SDK1: variants seen among roughly 807,000 people sequenced by gnomAD.
SDK1 encodes the protein protein sidekick-1.
In SDK1, 157 loss-of-function variants were observed where a neutral mutation model predicts 245.5. The ratio of observed to expected loss-of-function variants is 0.64; its 90% confidence interval spans 0.56 to 0.73. The LOEUF is 0.73. Ranked by LOEUF, SDK1 falls within the 30% of genes least tolerant of loss-of-function variation. SDK1 has a pLI of 0.00. For missense variants in SDK1, 3,583 were observed against 3,002.3 expected (o/e 1.19, Z -4.52); for synonymous variants, 1,647 against 1,278.5 (o/e 1.29, Z -6.15).
At chr7:3,686,838 T>G (rs1389166776) in intron 4 of SDK1, among the ~76,000 whole-genome samples, 2 of 151,582 alleles carry the variant, frequency 1.3e-5, no homozygotes, top group African/African-American at 4.9e-5. Flanking sequence ...GATTGGAGAG[T>G]TGGAATAATT....
intron 1 of SDK1, among the ~76,000 whole-genome samples, chr7:3,532,996 C>G (rs1783400871): frequency 1.3e-5 from 2 of 152,168 alleles, no homozygotes; most frequent in African/African-American, 4.8e-5. Flanking sequence ...ACATGAACAG[C>G]TGAAGGGCAG....
intron 1 of SDK1, among the ~76,000 whole-genome samples, chr7:3,465,056 T>A (rs1657723422): frequency 6.6e-6 from 1 of 152,170 alleles, no homozygotes; most frequent in South Asian, 2.1e-4. Context: ...CTCTTACAGA[T>A]GTCAAGAGTC....
chr7:3,539,702 C>T (rs1052802737), intron 1 of SDK1, among the ~76,000 whole-genome samples: 1 of 152,204 alleles, frequency 6.6e-6, no homozygotes. Flanking sequence ...CAGCGATCAC[C>T]ATGGCAGTCA....
chr7:3,605,583 T>C (rs1483527641), intron 1 of SDK1, among the ~76,000 whole-genome samples: 1 of 152,184 alleles, frequency 6.6e-6, no homozygotes, highest in African/African-American at 2.4e-5. Flanking sequence ...GCAGTACATT[T>C]TTCTCTCTTG....
At chr7:4,175,100 C>T (rs546849200) in intron 33 of SDK1, among the ~76,000 whole-genome samples, 3 of 152,364 alleles carry the variant, frequency 2.0e-5, no homozygotes, top group Admixed American at 1.3e-4. Flanking sequence ...CAATGCCAGC[C>T]GCGGGGCCTT....
intron 19 of SDK1, among the ~76,000 whole-genome samples, chr7:4,066,707 G>C (rs570491414): frequency 6.6e-6 from 1 of 152,182 alleles, no homozygotes; most frequent in Non-Finnish European, 1.5e-5. Flanking sequence ...ACACTAAAAG[G>C]CTCTAAACCT....
At chr7:3,901,703 C>G (rs1196215447) in intron 5 of SDK1, among the ~76,000 whole-genome samples, 3 of 152,206 alleles carry the variant, frequency 2.0e-5, no homozygotes, top group African/African-American at 4.8e-5. Context: ...TCTTTACTCA[C>G]TCACGGGTGA....
rs755240039 is a variant in SDK1 at position 3,387,058 on chromosome 7, T to TC, written c.298+85177dup. 6.6e-5 allele frequency among the ~76,000 whole-genome samples: 10 copies of TC among 152,272 alleles called. No individual in the cohort carries two copies. The South Asian group carries it at 1.2e-3, about 19-fold the overall frequency. ...GGCTTTTCACATTTCAAAAATGGTT[T>TC]CCCAAGTGAGCATATGTTTACTCTT... On this transcript the variant is annotated intron_variant, in intron 1 of 44. Transcript: ENST00000404826.
chr7:3,682,341 C>T (rs894236124), intron 4 of SDK1, among the ~76,000 whole-genome samples: 18 of 152,288 alleles, frequency 1.2e-4, no homozygotes, highest in African/African-American at 3.6e-4. Flanking sequence ...ACAGTTGCTT[C>T]TTATTGAGGA....
chr7:3,595,913 T>C (rs1781045531), intron 1 of SDK1, among the ~76,000 whole-genome samples: 1 of 142,584 alleles, frequency 7.0e-6, no homozygotes, highest in African/African-American at 2.5e-5. Context: ...TAGTCAACAC[T>C]AACCACTCTG....
At chr7:4,252,299 C>G (rs1277330114) in intron 44 of SDK1, among the ~76,000 whole-genome samples, 1 of 145,806 alleles carries the variant, frequency 6.9e-6, no homozygotes, top group Non-Finnish European at 1.5e-5. Flanking sequence ...TGAGTGAGAA[C>G]ATGCGGTGTT....
At chr7:3,903,441 C>A (rs537121098) in intron 5 of SDK1, among the ~76,000 whole-genome samples, 109 of 152,206 alleles carry the variant, frequency 7.2e-4, no homozygotes, top group African/African-American at 2.4e-3. Flanking sequence ...CCACCGCGCC[C>A]GGCCGACAGT....
At chr7:3,929,164 C>G (rs1052121525) in intron 5 of SDK1, among the ~76,000 whole-genome samples, 4 of 152,232 alleles carry the variant, frequency 2.6e-5, no homozygotes, top group Non-Finnish European at 5.9e-5. Flanking sequence ...CTTGGTTAAA[C>G]GGTTATCTGA....
intron 5 of SDK1, among the ~76,000 whole-genome samples, chr7:3,925,568 C>T (rs368870341): frequency 6.6e-6 from 1 of 152,208 alleles, no homozygotes; most frequent in African/African-American, 2.4e-5. Flanking sequence ...CCAGAGACGG[C>T]GTGTTCTCGC....
intron 28 of SDK1, among the ~76,000 whole-genome samples, chr7:4,139,523 G>A (rs199838556): frequency 9.8e-5 from 1 of 10,196 alleles, no homozygotes. Context: ...ATATGTGTGT[G>A]TATGTGTGTG....
rs1032981290 is a variant in SDK1 at position 4,229,900 on chromosome 7, G to T, written c.5828-3355G>T. On this transcript the variant is annotated intron_variant, in intron 40 of 44. Coordinates refer to ENST00000404826, the MANE Select transcript of SDK1 (RefSeq NM_152744.4). The stretch of plus-strand genomic sequence containing the variant: ...TAGTGGTGGTTATTATTTATTGAAA[G>T]CCTGCTGTACTAGGCCCTGAGAAAG... Among the ~76,000 whole-genome samples the T allele has an allele frequency of 2.0e-5, 3 of 151,976 alleles. No individual in the cohort carries two copies. The East Asian group carries it at 5.8e-4, about 29-fold the overall frequency.
At chr7:3,345,594 G>C (rs947514852) in intron 1 of SDK1, among the ~76,000 whole-genome samples, 2 of 151,692 alleles carry the variant, frequency 1.3e-5, no homozygotes. Flanking sequence ...TTTCTGATTT[G>C]AAGATGGGAG....
At chr7:3,345,575 A>G (rs1040356448) in intron 1 of SDK1, among the ~76,000 whole-genome samples, 2 of 152,110 alleles carry the variant, frequency 1.3e-5, no homozygotes, top group Non-Finnish European at 2.9e-5. Context: ...CTTTTTTTCC[A>G]GGAAATTATT....
intron 44 of SDK1, among the ~76,000 whole-genome samples, chr7:4,251,312 G>A (rs1259753736): frequency 6.6e-6 from 1 of 152,168 alleles, no homozygotes; most frequent in East Asian, 1.9e-4. Context: ...ATTTATTACA[G>A]CAAAAGAATA....
Sources: allele counts gnomAD v4.1 joint callset (sites outside exome capture counted in the v4.1 genomes callset), GRCh38; gene constraint gnomAD v4.1.1; transcripts MANE v1.5; gene names NCBI Gene and HGNC (gene_info 2026-07-23, HGNC 2026-07-21).